The following SIN3B variants were observed in gnomAD, a reference collection of about 807,000 sequenced individuals.
The protein encoded by SIN3B is paired amphipathic helix protein Sin3b.
In SIN3B, 19 loss-of-function variants were observed where a neutral mutation model predicts 120.2. The observed-to-expected ratio is 0.16, with a 90% CI of 0.11 to 0.23. The LOEUF (loss-of-function observed/expected upper bound fraction) is 0.23, where lower values mean the gene tolerates loss of function less well. SIN3B is among the 10% of genes least tolerant of loss of function. SIN3B has a pLI of 1.00. For synonymous variants in SIN3B, 654 were observed against 653.2 expected (o/e 1.00, Z -0.02); for missense variants, 1,073 against 1,573.0 (o/e 0.68, Z 5.38).
intron 7 of SIN3B, among the ~76,000 whole-genome samples, chr19:16,853,824 G>A (rs559160518): frequency 2.0e-4 from 29 of 148,280 alleles, no homozygotes; most frequent in African/African-American, 7.2e-4. Flanking sequence ...GCATGGACGC[G>A]TGCAGGGACT....
At chr19:16,855,059 T>C (rs958938846) in intron 8 of SIN3B, 2 of 152,216 alleles carry the variant, frequency 1.3e-5, no homozygotes, top group Non-Finnish European at 2.9e-5. Context: ...CACCTGTTGA[T>C]GATGTTGAGT....
chr19:16,834,178 C>CA (rs1478529857), intron 3 of SIN3B, among the ~76,000 whole-genome samples: 1 of 152,168 alleles, frequency 6.6e-6, no homozygotes, highest in Non-Finnish European at 1.5e-5. Context: ...CCAGAACAGT[C>CA]ACGACTGCGG....
At chr19:16,872,185 A>G (rs2051520087) in intron 14 of SIN3B, among the ~76,000 whole-genome samples, 1 of 152,074 alleles carries the variant, frequency 6.6e-6, no homozygotes, top group South Asian at 2.1e-4. Context: ...TGTTCATCAT[A>G]AAGTGGAAAA....
At position 16,829,776 on chromosome 19, in the gene SIN3B, T is replaced by G. The variant is rs777035789; in HGVS notation, c.121-15T>G. ...CCGCGGCCAGGGCCCACCGGGACCC[T>G]CCCCCTCTCTGCAGGTAGAAGACGC... On this transcript the variant is annotated splice_polypyrimidine_tract_variant and intron_variant, in intron 1 of 18. Coordinates refer to ENST00000248054, the MANE Select transcript of SIN3B (RefSeq NM_001297595.2). The G allele has an allele frequency of 6.3e-7, 1 of 1,584,924 alleles. No individual in the cohort carries two copies. The highest frequency in any genetic ancestry group is 8.6e-7 in the Non-Finnish European group (1 of 1,158,106).
At chr19:16,837,490 C>T (rs1172597727) in intron 3 of SIN3B, among the ~76,000 whole-genome samples, 2 of 150,966 alleles carry the variant, frequency 1.3e-5, no homozygotes, top group Non-Finnish European at 3.0e-5. Context: ...TAGGGAAGGC[C>T]TCCCGAGTGA....
At chr19:16,856,276 G>C (rs759774564) in intron 8 of SIN3B, among the ~76,000 whole-genome samples, 1 of 152,086 alleles carries the variant, frequency 6.6e-6, no homozygotes, top group Non-Finnish European at 1.5e-5. Flanking sequence ...TGAGTGCTGA[G>C]ACCTGGGAGC....
intron 3 of SIN3B, among the ~76,000 whole-genome samples, chr19:16,837,773 G>A (rs368558710): frequency 2.6e-4 from 39 of 152,234 alleles, no homozygotes; most frequent in Non-Finnish European, 2.2e-4. Context: ...GATCAGGAGC[G>A]GGGGTGTCAG....
At chr19:16,854,308 T>A in intron 8 of SIN3B, 47 bp downstream of exon 8, 1 of 1,189,000 alleles carries the variant, frequency 8.4e-7, no homozygotes, top group Non-Finnish European at 1.2e-6. Context: ...TCTGTTCCTG[T>A]CAACTCCATC....
chr19:16,835,023 T>G (rs1971328831), intron 3 of SIN3B, among the ~76,000 whole-genome samples: 1 of 151,618 alleles, frequency 6.6e-6, no homozygotes, highest in Non-Finnish European at 1.5e-5. Context: ...GCCTCCCCAG[T>G]TCAAGCGATT....
At chr19:16,853,822 G>A (rs1457116124) in intron 7 of SIN3B, among the ~76,000 whole-genome samples, 9 of 148,244 alleles carry the variant, frequency 6.1e-5, no homozygotes, top group African/African-American at 1.0e-4. Context: ...CTGCATGGAC[G>A]CGTGCAGGGA....
At chr19:16,842,023 C>A in intron 4 of SIN3B, 55 bp downstream of exon 4, 1 of 1,354,876 alleles carries the variant, frequency 7.4e-7, no homozygotes, top group Non-Finnish European at 1.0e-6. Context: ...CAGTTTGGGG[C>A]CCTGCAGATA....
intron 17 of SIN3B, 141 bp downstream of exon 17, chr19:16,877,780 C>T: frequency 1.5e-6 from 1 of 674,992 alleles, no homozygotes; most frequent in Non-Finnish European, 2.6e-6. Context: ...GCAGGCCCTG[C>T]CCTTTTGAGG....
chr19:16,842,429 C>T (rs1320487510), intron 4 of SIN3B, among the ~76,000 whole-genome samples: 5 of 120,302 alleles, frequency 4.2e-5, no homozygotes, highest in Non-Finnish European at 6.8e-5. Flanking sequence ...TTTTTTGAGA[C>T]AGGGTCTTGC....
intron 6 of SIN3B, among the ~76,000 whole-genome samples, chr19:16,852,263 G>A (rs1237769065): frequency 1.3e-5 from 2 of 151,938 alleles, no homozygotes; most frequent in Non-Finnish European, 1.5e-5. Context: ...GTGTCCTTTT[G>A]GCATGTCCTC....
In SIN3B at chr19:16,871,388, T is replaced by C; in HGVS notation, c.2582T>C (p.Ile861Thr). 3 of 1,605,968 alleles carry C rather than the reference T, an allele frequency of 1.9e-6. No individual in the cohort carries two copies. Among genetic ancestry groups the C allele is most frequent in the Non-Finnish European group, 2.6e-6 (3 of 1,175,060 alleles). The change falls in exon 14 of 19, where the codon ATT becomes ACT. Residue 861 changes from isoleucine to threonine, a missense_variant. Around this residue, in one of 7 missense-constraint regions of SIN3B, gnomAD observed 311 missense variants for 400.3 expected, o/e 0.78. Coordinates refer to ENST00000248054, the MANE Select transcript of SIN3B (RefSeq NM_001297595.2). ...ACCATGGACAAGCTGGTGCAGAACA[T>C]TGCGCGGCAGGTGAGCCGGGCCGGG... is the stretch of plus-strand genomic sequence containing the variant. ...GFTMDKLVQN[I>T]ARQLHHLVSD...
intron 4 of SIN3B, among the ~76,000 whole-genome samples, chr19:16,845,730 A>G (rs540719900): frequency 1.1e-4 from 17 of 151,564 alleles, no homozygotes; most frequent in African/African-American, 4.1e-4. Context: ...TTTCTTCTTT[A>G]TTTATTTTAG....
intron 4 of SIN3B, among the ~76,000 whole-genome samples, chr19:16,843,277 A>G (rs1286824413): frequency 2.6e-5 from 4 of 152,140 alleles, no homozygotes; most frequent in African/African-American, 7.2e-5. Flanking sequence ...AGCAGAACCC[A>G]TTTTTTAAAA....
rs66778532 is a variant in SIN3B, at chr19:16,857,553, G to GTGTATATATA, written c.1058+3293_1058+3294insGTATATATAT. ...TGTGTGTGTGTGTGTGTGTGTGTGTGTATATATACACATAAACATTTTTCT... is the reference window on the plus strand; with the variant it reads ...TGTGTGTGTGTGTGTGTGTGTGTGTGTGTATATATATATATATACACATAAACATTTTTCT... On this transcript the variant is annotated intron_variant, in intron 8 of 18. Transcript: ENST00000248054. Among the ~76,000 whole-genome samples the GTGTATATATA allele has an allele frequency of 3.7e-4, 52 of 139,546 alleles. 1 individual carries two copies. The highest frequency in any genetic ancestry group is 1.3e-3 in the African/African-American group (49 of 37,510). 91.5% of individuals were successfully genotyped at this position (139,546 alleles called of 152,430 possible).
rs1971755657 is a variant in SIN3B at position 16,865,479 on chromosome 19, C to T, written c.1453C>T (p.Arg485Trp). 3 of 1,613,420 alleles carry T rather than the reference C, an allele frequency of 1.9e-6. No individual in the cohort carries two copies. The highest frequency in any genetic ancestry group is 1.7e-6 in the Non-Finnish European group (2 of 1,179,646). ...GGAAAGTGTGCAGAAGAAGCTGTCTCGGATGGCGCCGGAAGACCAGGAGAA... is the reference window on the plus strand; with the variant it reads ...GGAAAGTGTGCAGAAGAAGCTGTCTTGGATGGCGCCGGAAGACCAGGAGAA... ...VLESVQKKLS[R>W]MAPEDQEKFR... The change falls in exon 11 of 19, where the codon CGG (arginine) becomes TGG (tryptophan). Residue 485 changes from arginine to tryptophan, a missense_variant. Arg to Trp is a moderately radical substitution (Grantham distance 101, BLOSUM62 -3). Coordinates refer to ENST00000248054, the MANE Select transcript of SIN3B (RefSeq NM_001297595.2).
Sources: allele counts gnomAD v4.1 joint callset (sites outside exome capture counted in the v4.1 genomes callset), GRCh38; gene constraint gnomAD v4.1.1; regional missense constraint gnomAD v4.1.1; transcripts MANE v1.5; gene names NCBI Gene and HGNC (gene_info 2026-07-23, HGNC 2026-07-21).